The following APP variants were observed in gnomAD, a reference collection of about 807,000 sequenced individuals.
APP encodes the protein amyloid-beta precursor protein.
APP carries 31 observed loss-of-function variants against 101.4 expected under a neutral mutation model. That is an observed-to-expected ratio of 0.31 (90% CI 0.23 to 0.41). The LOEUF is 0.41. APP is among the 10% of genes least tolerant of loss of function. The pLI is 1.00. For missense variants in APP, 839 were observed against 1,003.7 expected (o/e 0.84, Z 2.22); for synonymous variants, 366 against 364.4 (o/e 1.00, Z -0.05).
At chr21:26,083,386 A>G (rs1464357647) in intron 3 of APP, among the ~76,000 whole-genome samples, 1 of 152,246 alleles carries the variant, frequency 6.6e-6, no homozygotes, top group Non-Finnish European at 1.5e-5. Context: ...TTTCACAGGT[A>G]GAGTATTCTA....
At chr21:25,909,644 G>C (rs1048772628) in intron 14 of APP, among the ~76,000 whole-genome samples, 5 of 152,196 alleles carry the variant, frequency 3.3e-5, no homozygotes, top group African/African-American at 1.2e-4. Context: ...ATGCAACAAG[G>C]TATGCTGTTA....
At chr21:26,137,376 T>C (rs1361381719) in intron 1 of APP, among the ~76,000 whole-genome samples, 1 of 151,596 alleles carries the variant, frequency 6.6e-6, no homozygotes, top group East Asian at 1.9e-4. Context: ...ATTTTGCTTT[T>C]TTATGAAAAG....
At chr21:25,929,382 A>G (rs1026036537) in intron 13 of APP, among the ~76,000 whole-genome samples, 1 of 152,112 alleles carries the variant, frequency 6.6e-6, no homozygotes, top group Non-Finnish European at 1.5e-5. Context: ...AATAATCAAG[A>G]GTAGTGGTTT....
Position 25,911,683 on chromosome 21 carries a change from G to A in APP, c.1909+58C>T, listed in dbSNP as rs1199415547. The A allele has an allele frequency of 3.9e-5, 56 of 1,450,060 alleles. No homozygotes were observed. In the Middle Eastern group the frequency reaches 6.4e-4, roughly 17 times the overall value. The allele number at this position is 1,450,060 out of a possible 1,614,324, so 89.8% of individuals were successfully genotyped here. Reference sequence around the variant, plus strand: ...AGATAACTCTCTCTCTTGCACACACGTTATGTATGTGTATATATACCTCCC... The same window carrying A: ...AGATAACTCTCTCTCTTGCACACACATTATGTATGTGTATATATACCTCCC... On this transcript the variant is annotated intron_variant, in intron 14 of 17. Transcript: ENST00000346798.
In APP at chr21:25,997,471, ATGGCTGAAATGCACGAGTCCAC is replaced by A; in HGVS notation, c.1034-77_1034-56del. On this transcript the variant is annotated intron_variant, in intron 7 of 17. Coordinates refer to ENST00000346798, the MANE Select transcript of APP (RefSeq NM_000484.4). ...AAACAAAAAGAGAAACATGGGAATG[ATGGCTGAAATGCACGAGTCCAC>A]TGACAAAAAAACAACCTAACAAACA... 2.8e-6 allele frequency: 4 copies of A among 1,453,922 alleles called. No individual in the cohort carries two copies. The East Asian group carries it at 6.8e-5, about 25-fold the overall frequency. The allele number at this position is 1,453,922 out of a possible 1,614,324, so 90.1% of individuals were successfully genotyped here.
intron 13 of APP, among the ~76,000 whole-genome samples, chr21:25,951,716 A>G (rs2041084465): frequency 6.6e-6 from 1 of 152,254 alleles, no homozygotes. Context: ...CCTATTTAGA[A>G]AGTAAGCTAA....
chr21:26,102,026 A>G (rs967655676), intron 2 of APP, among the ~76,000 whole-genome samples: 19 of 151,644 alleles, frequency 1.3e-4, no homozygotes, highest in Non-Finnish European at 2.1e-4. Flanking sequence ...GAATTGAAGT[A>G]CACTTCCTTT....
At chr21:26,007,099 T>C (rs1277478104) in intron 6 of APP, among the ~76,000 whole-genome samples, 2 of 151,938 alleles carry the variant, frequency 1.3e-5, no homozygotes, top group Non-Finnish European at 2.9e-5. Context: ...AGCATTATTT[T>C]CTCCATACTC....
intron 1 of APP, among the ~76,000 whole-genome samples, chr21:26,120,387 T>G (rs1232629592): frequency 6.6e-6 from 1 of 152,182 alleles, no homozygotes; most frequent in Non-Finnish European, 1.5e-5. Context: ...CTTCCTGGCC[T>G]CAAGTGTTCC....
chr21:26,095,630 C>T (rs1309286278), intron 2 of APP, among the ~76,000 whole-genome samples: 2 of 152,098 alleles, frequency 1.3e-5, no homozygotes, highest in African/African-American at 2.4e-5. Context: ...AGGTTTCGGG[C>T]ATTCACTGGG....
chr21:25,993,497 ATT>A (rs1180589198), intron 8 of APP, among the ~76,000 whole-genome samples: 1 of 152,218 alleles, frequency 6.6e-6, no homozygotes, highest in Non-Finnish European at 1.5e-5. Context: ...AGTAGCTTAC[ATT>A]AGAGCAGGAA....
chr21:26,105,068 C>CAAAAAAAA (rs10579923), intron 2 of APP, among the ~76,000 whole-genome samples: 2 of 110,496 alleles, frequency 1.8e-5, no homozygotes, highest in African/African-American at 7.5e-5. Context: ...GCATTTTTTT[C>CAAAAAAAA]AAAAAAAAAA....
At chr21:25,941,406 G>A (rs1355333422) in intron 13 of APP, 3 of 152,188 alleles carry the variant, frequency 2.0e-5, no homozygotes, top group Non-Finnish European at 4.4e-5. Flanking sequence ...TATAAACTAA[G>A]AAAAAAATAC....
intron 11 of APP, among the ~76,000 whole-genome samples, chr21:25,971,501 G>A (rs1473927593): frequency 1.3e-5 from 2 of 152,236 alleles, no homozygotes; most frequent in African/African-American, 2.4e-5. Flanking sequence ...TAGAGGACTC[G>A]TGGAGTGGAG....
intron 9 of APP, among the ~76,000 whole-genome samples, chr21:25,979,868 T>TA (rs374671148): frequency 1 from 152,075 of 152,076 alleles, 76,037 homozygotes; most frequent in Non-Finnish European, 1. Flanking sequence ...CTTCATGACT[T>TA]GAGGTCTCAA....
chr21:25,975,053 G>A lies in APP; in HGVS notation c.1458+17C>T. The A allele has an allele frequency of 6.2e-7, 1 of 1,613,802 alleles. No homozygotes were observed. Among genetic ancestry groups the A allele is most frequent in the Non-Finnish European group, 8.5e-7 (1 of 1,179,948 alleles). On this transcript the variant is annotated intron_variant, in intron 11 of 17. Transcript: ENST00000346798. ...TGCTGTGACCTGAAGTGTGAACTCG[G>A]CTGCAGCGAGACCTACCCGAGGAGG...
chr21:26,050,537 A>G (rs2045794344), intron 5 of APP, among the ~76,000 whole-genome samples: 1 of 152,180 alleles, frequency 6.6e-6, no homozygotes, highest in Non-Finnish European at 1.5e-5. Flanking sequence ...TTCCACTATG[A>G]AGGAAAAGAA....
Position 25,911,841 on chromosome 21 carries a change from G to A in APP, c.1809C>T (p.Thr603=), listed in dbSNP as rs150151009. Residue 603 remains threonine, a synonymous_variant, in exon 14 of 18, where the codon ACC becomes ACT. Transcript: ENST00000346798. Reference sequence around the variant, plus strand: ...CTCCATTCACGGGAAGGAGCTCCACGGTGGTTTTCGTTTCGGTCAAAGATG... The same window carrying A: ...CTCCATTCACGGGAAGGAGCTCCACAGTGGTTTTCGTTTCGGTCAAAGATG... The part of the protein sequence containing the change: ...LMPSLTETKT[T]VELLPVNGEF... 168 of 1,614,024 alleles carry A rather than the reference G, an allele frequency of 1.0e-4. No homozygotes were observed. Among genetic ancestry groups the A allele is most frequent in the Non-Finnish European group, 1.3e-4 (154 of 1,180,026 alleles).
chr21:25,909,138 C>CTA (rs1397463396), intron 14 of APP, among the ~76,000 whole-genome samples: 1 of 151,900 alleles, frequency 6.6e-6, no homozygotes, highest in African/African-American at 2.4e-5. Flanking sequence ...TGGCGGGTAC[C>CTA]TATAGTCCCA....
Sources: allele counts gnomAD v4.1 joint callset (sites outside exome capture counted in the v4.1 genomes callset), GRCh38; gene constraint gnomAD v4.1.1; transcripts MANE v1.5; gene names NCBI Gene and HGNC (gene_info 2026-07-23, HGNC 2026-07-21).